KYAT3: variants seen among roughly 807,000 people sequenced by gnomAD.
KYAT3 encodes the protein kynurenine--oxoglutarate transaminase 3.
In KYAT3, 50 loss-of-function variants were observed where a neutral mutation model predicts 59.0. The ratio of observed to expected loss-of-function variants is 0.85; its 90% confidence interval spans 0.68 to 1.07. KYAT3 has a LOEUF of 1.07. KYAT3 is among the 50% of genes least tolerant of loss of function. The pLI is 0.00. For missense variants in KYAT3, 497 were observed against 533.3 expected, an observed-to-expected ratio of 0.93 and a Z score of 0.67; for synonymous variants, 148 against 177.0, an observed-to-expected ratio of 0.84 and a Z score of 1.30.
chr1:88,921,346 A>G, the KYAT3 span, among the ~76,000 whole-genome samples: 271 of 152,340 alleles, frequency 1.8e-3, no homozygotes, highest in African/African-American at 6.2e-3. Flanking sequence ...ACTTTTGACT[A>G]GTTGCAAAGG....
At chr1:88,945,156 C>CA (rs1675391366) in intron 11 of KYAT3, among the ~76,000 whole-genome samples, 6 of 147,530 alleles carry the variant, frequency 4.1e-5, no homozygotes, top group African/African-American at 1.5e-4. Context: ...AAAAAAGTAA[C>CA]GTAATACCAT....
In KYAT3 at chr1:88,988,268, C is replaced by T; in HGVS notation, c.83G>A (p.Gly28Glu). The T allele has an allele frequency of 1.2e-6, 2 of 1,612,734 alleles. No individual in the cohort carries two copies. Residue 28 changes from glycine to glutamate, a missense_variant, in exon 2 of 14, where the codon GGA becomes GAA. Physicochemically the swap from Gly to Glu is moderately conservative, Grantham distance 98 (BLOSUM62 -2). This residue lies in a region of KYAT3 where 469 missense variants were observed against 479.1 expected (regional missense o/e 0.98). Coordinates refer to ENST00000260508, the MANE Select transcript of KYAT3 (RefSeq NM_001008661.3). Reference protein sequence around the residue: ...LKTISSSKILGFSTSAKMSLK... With the variant: ...LKTISSSKILEFSTSAKMSLK... Reference sequence around the variant, plus strand: ...AATACCTACAGCAGAAGTAGAGAATCCGAGGATTTTGGAAGAAGAAATTGT... The same window carrying T: ...AATACCTACAGCAGAAGTAGAGAATTCGAGGATTTTGGAAGAAGAAATTGT...
chr1:88,945,927 G>A (rs1225162383), intron 11 of KYAT3, among the ~76,000 whole-genome samples: 9 of 152,186 alleles, frequency 5.9e-5, no homozygotes, highest in Non-Finnish European at 4.4e-5. Flanking sequence ...TATCAGAAAA[G>A]CTTTCCTAAC....
chr1:88,977,841 T>A (rs1676863865), intron 2 of KYAT3, among the ~76,000 whole-genome samples: 1 of 152,202 alleles, frequency 6.6e-6, no homozygotes, highest in Admixed American at 6.5e-5. Context: ...ACTGTACCTT[T>A]TCTATGTTTA....
At chr1:88,924,051 C>T in the KYAT3 span, among the ~76,000 whole-genome samples, 1 of 152,240 alleles carries the variant, frequency 6.6e-6, no homozygotes, top group Non-Finnish European at 1.5e-5. Flanking sequence ...GTACTGTTTG[C>T]AGCCACCCAG....
intron 13 of KYAT3, among the ~76,000 whole-genome samples, chr1:88,937,253 C>G (rs770035311): frequency 6.6e-6 from 1 of 152,036 alleles, no homozygotes; most frequent in African/African-American, 2.4e-5. Flanking sequence ...CAGGACAGGT[C>G]GGCATGGGTG....
rs527950397 is a variant in KYAT3 at position 88,949,238 on chromosome 1, T to C, written c.994A>G (p.Met332Val). Residue 332 changes from methionine to valine, a missense_variant, in exon 11 of 14, where the codon ATG (methionine) becomes GTG (valine). Transcript: ENST00000260508. ...AQAFWIDIKRMDDPECYFNSL... is the reference protein window; with the variant it reads ...AQAFWIDIKRVDDPECYFNSL... ...TTAAAGTAACATTCTGGGTCATCCATGCGCTTGATGTCAATCCAGAAAGCT... is the reference window on the plus strand; with the variant it reads ...TTAAAGTAACATTCTGGGTCATCCACGCGCTTGATGTCAATCCAGAAAGCT... 865 of 1,587,306 alleles carry C rather than the reference T, an allele frequency of 5.4e-4. 13 individuals are homozygous for C. The South Asian group carries it at 8.5e-3, about 16-fold the overall frequency.
intron 13 of KYAT3, among the ~76,000 whole-genome samples, chr1:88,936,913 C>CG (rs1675059119): frequency 6.6e-6 from 1 of 152,214 alleles, no homozygotes. Flanking sequence ...CTGAGCAAAG[C>CG]GGCTGTCCAT....
chr1:88,926,401 C>T, the KYAT3 span, among the ~76,000 whole-genome samples: 2 of 152,208 alleles, frequency 1.3e-5, no homozygotes, highest in Non-Finnish European at 2.9e-5. Flanking sequence ...GCAACTTCAA[C>T]TTTCCAGGCC....
chr1:88,984,842 T>C (rs962762459), intron 2 of KYAT3, among the ~76,000 whole-genome samples: 1 of 152,018 alleles, frequency 6.6e-6, no homozygotes, highest in Non-Finnish European at 1.5e-5. Context: ...CTCCACCCTG[T>C]AGAAAAAACA....
rs12073669 is a variant in KYAT3, at chr1:88,988,551, T to G, written c.-1-200A>C. ...TGGAGGCATTCTAATAAATGTATTC[T>G]TCCTACACAAATTTATATTCACATC... On this transcript the variant is annotated intron_variant, in intron 1 of 13. Coordinates refer to ENST00000260508, the MANE Select transcript of KYAT3 (RefSeq NM_001008661.3). Among the ~76,000 whole-genome samples the G allele has an allele frequency of 3.4e-3, 517 of 152,354 alleles. 6 individuals are homozygous for G. The highest frequency in any genetic ancestry group is 0.012 in the African/African-American group (501 of 41,586).
At chr1:88,991,187 G>A (rs1187708268) in intron 1 of KYAT3, among the ~76,000 whole-genome samples, 1 of 152,198 alleles carries the variant, frequency 6.6e-6, no homozygotes, top group African/African-American at 2.4e-5. Context: ...GCCCGAAGCT[G>A]AGAAAGCTGG....
At chr1:88,960,395 A>C (rs1054232098) in intron 8 of KYAT3, among the ~76,000 whole-genome samples, 38 of 152,072 alleles carry the variant, frequency 2.5e-4, no homozygotes, top group Non-Finnish European at 4.9e-4. Context: ...AACAAACAAA[A>C]TCCCTCCATT....
chr1:88,947,943 T>C (rs1675509784), intron 11 of KYAT3, among the ~76,000 whole-genome samples: 1 of 151,954 alleles, frequency 6.6e-6, no homozygotes, highest in African/African-American at 2.4e-5. Flanking sequence ...AATTTAAAAA[T>C]TAGCTAGGTG....
At chr1:88,956,398 T>A (rs1199594038) in intron 8 of KYAT3, among the ~76,000 whole-genome samples, 1 of 152,226 alleles carries the variant, frequency 6.6e-6, no homozygotes, top group Non-Finnish European at 1.5e-5. Context: ...GGTTTTCAAG[T>A]TGTTTAACAT....
At chr1:88,928,278 T>A in the KYAT3 span, among the ~76,000 whole-genome samples, 3 of 152,048 alleles carry the variant, frequency 2.0e-5, no homozygotes, top group African/African-American at 7.3e-5. Context: ...AGAAAAAAAC[T>A]TCAGAAGTCC....
downstream of KYAT3, among the ~76,000 whole-genome samples, chr1:88,932,169 C>A (rs1328497740): frequency 6.6e-6 from 1 of 152,200 alleles, no homozygotes; most frequent in African/African-American, 2.4e-5. Context: ...AGCTCTAGCT[C>A]ATTCTTTGAA....
chr1:88,956,325 T>G (rs1450094405), intron 8 of KYAT3, among the ~76,000 whole-genome samples: 1 of 152,144 alleles, frequency 6.6e-6, no homozygotes, highest in Non-Finnish European at 1.5e-5. Context: ...TACACATATA[T>G]TTTAGGAAGT....
Position 88,979,053 on chromosome 1 carries a change from T to C in KYAT3, c.99+9199A>G, listed in dbSNP as rs553537950. Among the ~76,000 whole-genome samples the C allele has an allele frequency of 1.9e-4, 29 of 152,262 alleles. No individual in the cohort carries two copies. The South Asian group carries it at 5.6e-3, about 29-fold the overall frequency. On this transcript the variant is annotated intron_variant, in intron 2 of 13. Transcript: ENST00000260508. ...TGCCTTAGAAGCTCCGAAGCTATAG[T>C]AATCAGATCTCTTAGTTATGTGAGA...
Sources: gnomAD v4.1 joint callset for allele counts (sites outside exome capture counted in the v4.1 genomes callset) on GRCh38, gnomAD v4.1.1 for gene constraint, gnomAD v4.1.1 regional missense constraint, MANE v1.5 for transcripts, NCBI Gene and HGNC (gene_info 2026-07-23, HGNC 2026-07-21) for gene names.